CSMD1: variants seen among roughly 807,000 people sequenced by gnomAD.
The protein encoded by CSMD1 is CUB and Sushi multiple domains 1.
Under a neutral mutation model 417.5 loss-of-function variants are expected in CSMD1, and 213 were observed. That is an observed-to-expected ratio of 0.51 (90% CI 0.46 to 0.57). The LOEUF (loss-of-function observed/expected upper bound fraction) is 0.57. CSMD1 is among the 20% of genes least tolerant of loss of function. The pLI is 0.00. For missense variants in CSMD1, 6,923 were observed against 4,529.7 expected, an observed-to-expected ratio of 1.53 and a Z score of -15.17; for synonymous variants, 2,862 against 1,736.8, an observed-to-expected ratio of 1.65 and a Z score of -16.11.
intron 1 of CSMD1, among the ~76,000 whole-genome samples, chr8:4,883,858 AT>A (rs1183609982): frequency 6.6e-6 from 1 of 151,836 alleles, no homozygotes; most frequent in Non-Finnish European, 1.5e-5. Context: ...TGGGGGTGAA[AT>A]TTCTGGGTCA....
intron 37 of CSMD1, among the ~76,000 whole-genome samples, chr8:3,163,760 G>A (rs1259687300): frequency 6.6e-6 from 1 of 152,154 alleles, no homozygotes; most frequent in Non-Finnish European, 1.5e-5. Flanking sequence ...TCAGCAGCAA[G>A]GTCAAGGGAA....
At chr8:4,882,782 C>G (rs1486312151) in intron 1 of CSMD1, among the ~76,000 whole-genome samples, 3 of 151,948 alleles carry the variant, frequency 2.0e-5, no homozygotes, top group Non-Finnish European at 2.9e-5. Flanking sequence ...ATGCCTTACA[C>G]TGAACACTTC....
chr8:3,110,388 A>T (rs769361078), intron 42 of CSMD1, 53 bp from the exon 43 acceptor site: 27 of 1,442,220 alleles, frequency 1.9e-5, no homozygotes, highest in Non-Finnish European at 2.5e-5. Context: ...TTTAGAGAGT[A>T]GAAAGCTAAA....
At chr8:3,599,779 A>G (rs1018286556) in intron 8 of CSMD1, among the ~76,000 whole-genome samples, 8 of 152,088 alleles carry the variant, frequency 5.3e-5, no homozygotes, top group Non-Finnish European at 1.2e-4. Flanking sequence ...CCCGCTTGGC[A>G]TGGGCAACTC....
intron 1 of CSMD1, among the ~76,000 whole-genome samples, chr8:4,736,585 G>C (rs1432657912): frequency 6.6e-6 from 1 of 152,128 alleles, no homozygotes; most frequent in Non-Finnish European, 1.5e-5. Context: ...TAGGAAAATG[G>C]GTTTGCACAT....
intron 1 of CSMD1, among the ~76,000 whole-genome samples, chr8:4,712,854 G>T (rs899572655): frequency 5.9e-5 from 9 of 152,118 alleles, no homozygotes; most frequent in Non-Finnish European, 1.3e-4. Flanking sequence ...GTCTAATCTG[G>T]ATATATTTTA....
chr8:3,797,277 T>C (rs974942737), intron 5 of CSMD1, among the ~76,000 whole-genome samples: 2 of 151,952 alleles, frequency 1.3e-5, no homozygotes, highest in African/African-American at 2.4e-5. Context: ...AAAATTGAGG[T>C]AAAATATACT....
Position 3,277,312 on chromosome 8 carries a change from G to A in CSMD1, c.4153+6832C>T, listed in dbSNP as rs182678889. Among the ~76,000 whole-genome samples the A allele has an allele frequency of 3.4e-3, 518 of 152,264 alleles. 9 individuals are homozygous for A. Among genetic ancestry groups the A allele is most frequent in the Non-Finnish European group, 1.5e-3 (103 of 68,024 alleles). On this transcript the variant is annotated intron_variant, in intron 26 of 69. Transcript: ENST00000635120. ...TAAGCAGAAGTGAGGCGTTGCCCAC[G>A]TTGCTGCGGAAAAGGTTCACCTGGG...
At chr8:4,057,729 T>A (rs1191516265) in intron 3 of CSMD1, among the ~76,000 whole-genome samples, 1 of 151,948 alleles carries the variant, frequency 6.6e-6, no homozygotes, top group South Asian at 2.1e-4. Flanking sequence ...AAGGAAGGGA[T>A]CCAGTTTCAG....
intron 1 of CSMD1, among the ~76,000 whole-genome samples, chr8:4,882,090 C>A (rs1020288179): frequency 5.9e-5 from 9 of 152,006 alleles, no homozygotes; most frequent in Non-Finnish European, 1.3e-4. Flanking sequence ...AATAAGCCCT[C>A]ATTTAACCAC....
rs76841652 is a variant in CSMD1 at position 4,735,900 on chromosome 8, G to A, written c.86-98342C>T. Among the ~76,000 whole-genome samples the A allele has an allele frequency of 2.0e-5, 3 of 152,284 alleles. No homozygotes were observed. The East Asian group carries it at 5.8e-4, about 29-fold the overall frequency. On this transcript the variant is annotated intron_variant, in intron 1 of 69. Transcript: ENST00000635120. ...TACAACACGCTACTGCTTTACTAGA[G>A]ATTTACTGATGAGCAGGTAATAAGT...
At chr8:4,967,327 G>A (rs115990059) in intron 1 of CSMD1, among the ~76,000 whole-genome samples, 2 of 152,190 alleles carry the variant, frequency 1.3e-5, no homozygotes, top group East Asian at 1.9e-4. Flanking sequence ...TGAACAATTA[G>A]TTTTAAGATA....
intron 6 of CSMD1, among the ~76,000 whole-genome samples, chr8:3,746,920 G>C (rs1334602937): frequency 6.6e-6 from 1 of 152,206 alleles, no homozygotes; most frequent in Non-Finnish European, 1.5e-5. Flanking sequence ...CAGGACACTG[G>C]CCTGTCAGCT....
intron 17 of CSMD1, among the ~76,000 whole-genome samples, chr8:3,390,217 T>C (rs1811264785): frequency 6.6e-6 from 1 of 151,706 alleles, no homozygotes. Context: ...TAGCCAGGTG[T>C]GGTGGTGGGC....
At chr8:3,840,370 G>A (rs1803047676) in intron 5 of CSMD1, among the ~76,000 whole-genome samples, 2 of 152,282 alleles carry the variant, frequency 1.3e-5, no homozygotes, top group South Asian at 4.1e-4. Flanking sequence ...GCACAAATAT[G>A]CTGAGGGAGA....
At chr8:4,001,144 A>G (rs562072830) in intron 4 of CSMD1, among the ~76,000 whole-genome samples, 1 of 152,342 alleles carries the variant, frequency 6.6e-6, no homozygotes, top group Non-Finnish European at 1.5e-5. Flanking sequence ...AAAAGCTTTG[A>G]AATAGTCGTA....
intron 2 of CSMD1, among the ~76,000 whole-genome samples, chr8:4,430,181 A>G (rs568051939): frequency 2.6e-5 from 4 of 152,186 alleles, no homozygotes; most frequent in Non-Finnish European, 4.4e-5. Context: ...GTGCTTTCCT[A>G]AGCAAGGTGC....
At chr8:4,079,199 G>C (rs769441116) in intron 3 of CSMD1, among the ~76,000 whole-genome samples, 1 of 152,058 alleles carries the variant, frequency 6.6e-6, no homozygotes, top group Non-Finnish European at 1.5e-5. Flanking sequence ...TTAGTCTATA[G>C]AGACATGCCC....
chr8:3,889,098 G>C (rs951604920), intron 5 of CSMD1, among the ~76,000 whole-genome samples: 3 of 151,912 alleles, frequency 2.0e-5, no homozygotes, highest in Non-Finnish European at 4.4e-5. Context: ...CAATTCATTG[G>C]TTGCTGCAAG....
Sources: gnomAD v4.1 joint callset for allele counts (sites outside exome capture counted in the v4.1 genomes callset) on GRCh38, gnomAD v4.1.1 for gene constraint, MANE v1.5 for transcripts, NCBI Gene and HGNC (gene_info 2026-07-23, HGNC 2026-07-21) for gene names.